The following RIF1 variants were observed in gnomAD, a reference collection of about 807,000 sequenced individuals.
The protein encoded by RIF1 is telomere-associated protein RIF1.
A neutral mutation model predicts 247.1 loss-of-function variants in RIF1; 45 were observed. The ratio of observed to expected loss-of-function variants is 0.18; its 90% CI spans 0.14 to 0.23. The LOEUF (loss-of-function observed/expected upper bound fraction) is 0.23. RIF1 is among the 10% of genes least tolerant of loss of function. RIF1 has a pLI of 1.00. For synonymous variants in RIF1, 1,087 were observed against 978.8 expected (o/e 1.11, Z -2.06); for missense variants, 2,967 against 2,862.5 (o/e 1.04, Z -0.83).
chr2:151,529,001 G>A, the RIF1 span, among the ~76,000 whole-genome samples: 23 of 152,326 alleles, frequency 1.5e-4, no homozygotes, highest in Non-Finnish European at 2.9e-4. Context: ...GGCATGGGAT[G>A]AAGCTTCCTT....
rs1341456885 is a variant in RIF1, at chr2:151,436,961, G to A, written c.1330G>A (p.Ala444Thr). The change falls in exon 12 of 36, where the codon GCC becomes ACC. Residue 444 changes from alanine (A) to threonine (T), a missense_variant. Transcript: ENST00000444746. ...MLLHFLLGPE[A>T]LSFAKQNKLV... ...GCTTCATTTCTTGTTGGGTCCAGAA[G>A]CCTTGAGTTTTGCTAAGCAAAATAA... 13 of 1,613,750 alleles carry A rather than the reference G, an allele frequency of 8.1e-6. No individual in the cohort carries two copies. The East Asian group carries it at 2.7e-4, about 33-fold the overall frequency.
At position 151,474,049 on chromosome 2, in the gene RIF1, CTGA is replaced by C. The variant is rs536863760; in HGVS notation, c.7185_7187del (p.Asp2395del). On this transcript the variant is annotated inframe_deletion, in exon 35 of 36. Coordinates refer to ENST00000444746, the MANE Select transcript of RIF1 (RefSeq NM_018151.5). ...GGAATAGAAAATAAATCTTTGTCAC[CTGA>C]TGAAGAAAGACTTGTCTCAGGTATA... 10 of 1,535,872 alleles carry C rather than the reference CTGA, an allele frequency of 6.5e-6. No individual in the cohort carries two copies. The highest frequency in any genetic ancestry group is 9.0e-6 in the Non-Finnish European group (10 of 1,112,984).
chr2:151,433,037 C>T (rs777968213), intron 9 of RIF1, 40 bp from the exon 10 acceptor site: 5 of 1,522,954 alleles, frequency 3.3e-6, no homozygotes, highest in African/African-American at 1.4e-5. Flanking sequence ...TAATCTTTAG[C>T]TTGGACGTCT....
At chr2:151,527,681 C>T in the RIF1 span, 2 of 830,098 alleles carry the variant, frequency 2.4e-6, no homozygotes. Flanking sequence ...TTCAAAACAT[C>T]TCAAATCATG....
intron 9 of RIF1, chr2:151,491,586 T>C: frequency 9.6e-7 from 1 of 1,040,024 alleles, no homozygotes; most frequent in South Asian, 1.4e-5. Flanking sequence ...AATGGAAAAC[T>C]CTGGAGGGAA....
chr2:151,492,791 C>T, intron 9 of RIF1: 1 of 235,524 alleles, frequency 4.2e-6, no homozygotes, highest in Non-Finnish European at 8.2e-6. Flanking sequence ...ACAGCATCAA[C>T]ATATTCGATG....
rs1359214266 is a variant in RIF1 at position 151,481,024 on chromosome 2, GA to G, written c.*5956del. On this transcript the variant is annotated 3_prime_UTR_variant, in exon 36 of 36. Coordinates refer to ENST00000444746, the MANE Select transcript of RIF1 (RefSeq NM_018151.5). ...TATTAAATTAAAATTTCAGTATCCA[GA>G]AATAAAGTTTTATTGGAACAGCTGT... 1 of 152,140 alleles carries G rather than the reference GA, an allele frequency of 6.6e-6. No individual in the cohort carries two copies. Among genetic ancestry groups the G allele is most frequent in the East Asian group, 1.9e-4 (1 of 5,204 alleles). 9.4% of individuals were successfully genotyped at this position (152,140 alleles called of 1,614,324 possible). A position where few individuals can be genotyped will look rare whatever the true frequency, so the allele number is the denominator to read the frequency against.
At chr2:151,420,524 C>G in intron 7 of RIF1, 145 bp downstream of exon 7, 1 of 691,910 alleles carries the variant, frequency 1.4e-6, no homozygotes, top group Non-Finnish European at 2.4e-6. Context: ...TTGCTTGAGG[C>G]CAGGAGTTCC....
intron 9 of RIF1, among the ~76,000 whole-genome samples, chr2:151,489,347 T>G (rs1172405868): frequency 2.0e-5 from 3 of 152,146 alleles, no homozygotes; most frequent in African/African-American, 7.2e-5. Context: ...TATATATTAA[T>G]AGGGGAGATC....
intron 29 of RIF1, 51 bp downstream of exon 29, chr2:151,462,517 T>C (rs1446069977): frequency 1.7e-6 from 2 of 1,185,082 alleles, no homozygotes; most frequent in South Asian, 1.5e-5. Context: ...CCTTCCATTA[T>C]ACAGTCTGTT....
Position 151,501,267 on chromosome 2 carries a change from AG to A in RIF1, c.*709+1728del, listed in dbSNP as rs1317466868. Reference sequence around the variant, plus strand: ...GGAGATCTGGAAAACAGAAGGATTCAGTTGATGTGATTAAAAAAAGATTTTG... The same window carrying A: ...GGAGATCTGGAAAACAGAAGGATTCATTGATGTGATTAAAAAAAGATTTTG... On this transcript the variant is annotated intron_variant and NMD_transcript_variant, in intron 11 of 13. Transcript: ENST00000454583. 13 of 612,370 alleles carry A rather than the reference AG, an allele frequency of 2.1e-5. No individual in the cohort carries two copies. The African/African-American group carries it at 2.4e-4, about 11-fold the overall frequency. The allele number at this position is 612,370 out of a possible 1,614,324, so 37.9% of individuals were successfully genotyped here. A position where few individuals can be genotyped will look rare whatever the true frequency, so the allele number is the denominator to read the frequency against.
intron 9 of RIF1, chr2:151,492,153 C>G: frequency 6.2e-7 from 1 of 1,613,924 alleles, no homozygotes; most frequent in Non-Finnish European, 8.5e-7. Context: ...CTACCACTTT[C>G]CTCTGAATAC....
chr2:151,495,662 T>TAA (rs1392841000), intron 10 of RIF1, among the ~76,000 whole-genome samples: 1 of 151,392 alleles, frequency 6.6e-6, no homozygotes, highest in African/African-American at 2.4e-5. Context: ...ACAGTAAAAC[T>TAA]AAAGAACAAC....
chr2:151,432,813 A>G (rs1028950567), intron 9 of RIF1, among the ~76,000 whole-genome samples: 1 of 152,198 alleles, frequency 6.6e-6, no homozygotes, highest in African/African-American at 2.4e-5. Flanking sequence ...CTGGTGGGAA[A>G]TTGCCCCGGC....
At chr2:151,437,087 T>C (rs755661354) in intron 12 of RIF1, 84 bp downstream of exon 12, 88 of 1,305,604 alleles carry the variant, frequency 6.7e-5, no homozygotes, top group Non-Finnish European at 9.1e-5. Context: ...TGTTATTTTG[T>C]CGCAGCCAAA....
chr2:151,515,514 T>A, the RIF1 span, among the ~76,000 whole-genome samples: 1 of 152,152 alleles, frequency 6.6e-6, no homozygotes, highest in Non-Finnish European at 1.5e-5. Context: ...CACTGAGTTT[T>A]GACCTGTTTT....
chr2:151,528,701 C>T, the RIF1 span, among the ~76,000 whole-genome samples: 3 of 152,134 alleles, frequency 2.0e-5, no homozygotes, highest in African/African-American at 4.8e-5. Flanking sequence ...CATCTAAATG[C>T]ACAAAATTAT....
At position 151,443,678 on chromosome 2, in the gene RIF1, T is replaced by C. The variant is rs1288067381; in HGVS notation, c.1955T>C (p.Ile652Thr). ...CATCTCTGGAAAATGTGGAGTGTTA[T>C]AGTCACCCCATTAACTGAATTGATT... ...KEHLWKMWSV[I>T]VTPLTELINQ... Residue 652 changes from isoleucine (I) to threonine (T), a missense_variant, in exon 18 of 36, where the codon ATA (isoleucine) becomes ACA (threonine). Physicochemically the swap from Ile to Thr is moderately conservative, Grantham distance 89. Around this residue, in one of 7 missense-constraint regions of RIF1, gnomAD observed 76 missense variants for 113.3 expected, o/e 0.67. Coordinates refer to ENST00000444746, the MANE Select transcript of RIF1 (RefSeq NM_018151.5). 3.7e-6 allele frequency: 6 copies of C among 1,603,150 alleles called. No individual in the cohort carries two copies. Among genetic ancestry groups the C allele is most frequent in the East Asian group, 4.5e-5 (2 of 44,606 alleles).
At chr2:151,518,087 T>C in the RIF1 span, among the ~76,000 whole-genome samples, 3 of 152,194 alleles carry the variant, frequency 2.0e-5, no homozygotes, top group Non-Finnish European at 4.4e-5. Flanking sequence ...ACACACTCTT[T>C]ATGCTTCCAG....
Sources: allele counts gnomAD v4.1 joint callset (sites outside exome capture counted in the v4.1 genomes callset), GRCh38; gene constraint gnomAD v4.1.1; regional missense constraint gnomAD v4.1.1; transcripts MANE v1.5; gene names NCBI Gene and HGNC (gene_info 2026-07-23, HGNC 2026-07-21).